The following RBSN variants were observed in gnomAD, a reference collection of about 807,000 sequenced individuals.
RBSN encodes rabenosyn, RAB effector.
A neutral mutation model predicts 60.5 loss-of-function variants in RBSN; 34 were observed. The observed-to-expected ratio is 0.56, with a 90% CI of 0.43 to 0.75. The LOEUF (loss-of-function observed/expected upper bound fraction) is 0.75, where lower values mean the gene tolerates loss of function less well. Among genes scored for constraint, RBSN ranks in the 30% least tolerant of loss-of-function variants. RBSN has a pLI of 0.00. For missense variants in RBSN, 845 were observed against 986.8 expected, an observed-to-expected ratio of 0.86 and a Z score of 1.92; for synonymous variants, 322 against 366.9, an observed-to-expected ratio of 0.88 and a Z score of 1.40.
At chr3:15,089,157 T>C (rs1165610090) in intron 5 of RBSN, among the ~76,000 whole-genome samples, 5 of 152,158 alleles carry the variant, frequency 3.3e-5, no homozygotes, top group Admixed American at 2.6e-4. Flanking sequence ...TTAATGACTG[T>C]TATCATTAGA....
chr3:15,083,994 GA>G (rs2043274491), intron 8 of RBSN, among the ~76,000 whole-genome samples: 2 of 152,310 alleles, frequency 1.3e-5, no homozygotes, highest in South Asian at 4.1e-4. Flanking sequence ...TGGAAGAATG[GA>G]CAATGCCTTA....
At position 15,085,863 on chromosome 3, in the gene RBSN, T is replaced by C. The variant is rs1559348083; in HGVS notation, c.388A>G (p.Lys130Glu). The C allele has an allele frequency of 1.9e-6, 3 of 1,613,204 alleles. No individual in the cohort carries two copies. The East Asian group carries it at 6.7e-5, about 36-fold the overall frequency. ...TGTTTTAAGACAACAAAATTTACCTTCTCTAACCTGATTATTAGTTTATTG... is the reference window on the plus strand; with the variant it reads ...TGTTTTAAGACAACAAAATTTACCTCCTCTAACCTGATTATTAGTTTATTG... Reference protein sequence around the residue: ...EVNKLIIRLEKLTAFDRTNTE... With the variant: ...EVNKLIIRLEELTAFDRTNTE... Residue 130 changes from lysine (K) to glutamate (E), a missense_variant and splice_region_variant, in exon 6 of 14, where the codon AAG becomes GAG. Coordinates refer to ENST00000253699, the MANE Select transcript of RBSN (RefSeq NM_022340.4).
rs765070298 is a variant in RBSN, at chr3:15,074,534, C to T, written c.1603G>A (p.Glu535Lys). 1 of 1,614,222 alleles carries T rather than the reference C, an allele frequency of 6.2e-7. No homozygotes were observed. Among genetic ancestry groups the T allele is most frequent in the Non-Finnish European group, 8.5e-7 (1 of 1,180,030 alleles). Residue 535 changes from glutamate (E) to lysine (K), a missense_variant, in exon 14 of 14, where the codon GAG becomes AAG. By Grantham distance (56) the Glu-to-Lys change is moderately conservative. Coordinates refer to ENST00000253699, the MANE Select transcript of RBSN (RefSeq NM_022340.4). The surrounding 1 kb of genome is among the most constrained non-coding windows in gnomAD (Gnocchi z 6.4). The part of the protein sequence containing the change: ...LRERELERER[E>K]QFRVASLHTR... ...TGCAGGGATGCCACCCGAAACTGCT[C>T]CCTTTCTCGTTCCAACTCCCGTTCA...
chr3:15,093,669 C>T (rs1213610359), intron 4 of RBSN, among the ~76,000 whole-genome samples: 1 of 152,000 alleles, frequency 6.6e-6, no homozygotes, highest in African/African-American at 2.4e-5. Flanking sequence ...GAATTACAGG[C>T]ATGAGCCACC....
Position 15,073,210 on chromosome 3 carries a change from C to G in RBSN, c.*572G>C, listed in dbSNP as rs1164344056. The stretch of plus-strand genomic sequence containing the variant: ...TCTCCCCTTCATAGCAGCACCTCCC[C>G]CTTCTATTGTACAGACAGGAAGTGC... On this transcript the variant is annotated 3_prime_UTR_variant, in exon 14 of 14. Transcript: ENST00000253699. 1.3e-5 allele frequency: 2 copies of G among 152,924 alleles called. No individual in the cohort carries two copies. The highest frequency in any genetic ancestry group is 2.9e-5 in the Non-Finnish European group (2 of 68,280). The allele number at this position is 152,924 out of a possible 1,614,324, so 9.5% of individuals were successfully genotyped here. A position where few individuals can be genotyped will look rare whatever the true frequency, so the allele number is the denominator to read the frequency against.
intron 13 of RBSN, 74 bp from the exon 14 acceptor site, chr3:15,075,004 G>T: frequency 1.3e-6 from 2 of 1,497,536 alleles, no homozygotes; most frequent in Non-Finnish European, 1.8e-6. Flanking sequence ...CCCACCCTCT[G>T]TTGTCCCTCT....
At position 15,082,514 on chromosome 3, in the gene RBSN, G is replaced by A; in HGVS notation, c.693C>T (p.Ile231=). 1 of 1,614,152 alleles carries A rather than the reference G, an allele frequency of 6.2e-7. No individual in the cohort carries two copies. The highest frequency in any genetic ancestry group is 8.5e-7 in the Non-Finnish European group (1 of 1,180,016). The change falls in exon 9 of 14, where the codon ATC becomes ATT. Residue 231 remains isoleucine, a synonymous_variant. Coordinates refer to ENST00000253699, the MANE Select transcript of RBSN (RefSeq NM_022340.4). This position sits in a 1 kb window ranked among gnomAD's most constrained non-coding sequence, Gnocchi z 4.2. ...CCGAGCTGACACTGCTCATGCTGCT[G>A]ATGCTGCCTCGGCGGGAGCCATGGA... ...NSVHGSRRGS[I]SSMSSVSSVL...
chr3:15,095,810 A>T (rs756964873), intron 4 of RBSN, 163 bp downstream of exon 4: 2 of 844,968 alleles, frequency 2.4e-6, no homozygotes, highest in Non-Finnish European at 3.7e-6. Context: ...TGAAATTAAT[A>T]AACAGGGAAA....
chr3:15,098,630 A>G (rs964623709), intron 1 of RBSN, among the ~76,000 whole-genome samples: 8 of 152,116 alleles, frequency 5.3e-5, no homozygotes, highest in South Asian at 2.1e-4. Context: ...CACACATCGC[A>G]TGACCACACA....
chr3:15,083,883 GCCTCT>G (rs1247558494), intron 8 of RBSN, among the ~76,000 whole-genome samples: 1 of 152,112 alleles, frequency 6.6e-6, no homozygotes, highest in Non-Finnish European at 1.5e-5. Flanking sequence ...GAGTTGGTCA[GCCTCT>G]CCTGAGTTCC....
intron 4 of RBSN, among the ~76,000 whole-genome samples, chr3:15,092,583 A>G (rs1559353021): frequency 1.3e-5 from 2 of 151,666 alleles, no homozygotes; most frequent in Admixed American, 1.3e-4. Context: ...TAATTTTTGT[A>G]TTTTTTTTAG....
At chr3:15,083,865 C>G (rs2043269273) in intron 8 of RBSN, among the ~76,000 whole-genome samples, 4 of 152,158 alleles carry the variant, frequency 2.6e-5, no homozygotes, top group Non-Finnish European at 4.4e-5. Flanking sequence ...CCAAGCAGAG[C>G]AGACAAAGAG....
chr3:15,085,783 A>G (rs1211875383), intron 6 of RBSN, 78 bp downstream of exon 6: 4 of 1,180,570 alleles, frequency 3.4e-6, no homozygotes, highest in African/African-American at 1.5e-5. Flanking sequence ...TATACAACAC[A>G]GGCTATAGAA....
Position 15,090,418 on chromosome 3 carries a change from C to T in RBSN, c.270G>A (p.Met90Ile). 6.2e-7 allele frequency: 1 copy of T among 1,613,822 alleles called. No individual in the cohort carries two copies. Among genetic ancestry groups the T allele is most frequent in the Middle Eastern group, 1.7e-4 (1 of 6,058 alleles). ...SFSYGGVDPYMWEPQELGAVR... is the reference protein window; with the variant it reads ...SFSYGGVDPYIWEPQELGAVR... ...TCTTACCAAGCTCCTGGGGTTCCCACATGTAAGGATCAACCCCTCCATAGC... is the reference window on the plus strand; with the variant it reads ...TCTTACCAAGCTCCTGGGGTTCCCATATGTAAGGATCAACCCCTCCATAGC... The change falls in exon 5 of 14, where the codon ATG becomes ATA. Residue 90 changes from methionine to isoleucine, a missense_variant. Physicochemically the swap from Met to Ile is conservative, Grantham distance 10 (BLOSUM62 1). Coordinates refer to ENST00000253699, the MANE Select transcript of RBSN (RefSeq NM_022340.4).
chr3:15,095,831 G>T lies in RBSN; in HGVS notation c.148+142C>A, dbSNP rs770622373. Reference sequence around the variant, plus strand: ...TAATAAACAGGGAAACTCTGAAAACGCCTGGCACATGACAAACACTAGTCA... The same window carrying T: ...TAATAAACAGGGAAACTCTGAAAACTCCTGGCACATGACAAACACTAGTCA... On this transcript the variant is annotated intron_variant, in intron 4 of 13. Transcript: ENST00000253699. 56 of 1,069,794 alleles carry T rather than the reference G, an allele frequency of 5.2e-5. 1 individual carries two copies. The Admixed American group carries it at 1.3e-3, about 25-fold the overall frequency. 66.3% of individuals were successfully genotyped at this position (1,069,794 alleles called of 1,614,324 possible).
rs199635416 is a variant in RBSN, at chr3:15,096,129, C to T, written c.-9G>A. The T allele has an allele frequency of 7.1e-6, 11 of 1,557,926 alleles. No homozygotes were observed. The highest frequency in any genetic ancestry group is 6.8e-5 in the East Asian group (3 of 44,346). On this transcript the variant is annotated 5_prime_UTR_variant, in exon 4 of 14. Transcript: ENST00000253699. ...TCGTCCAGAGAAGCCATGGCAGTGC[C>T]GCTCTCAACCCTAGGAAGGCAGGAA...
chr3:15,092,357 A>T (rs1231089659), intron 4 of RBSN, among the ~76,000 whole-genome samples: 1 of 152,042 alleles, frequency 6.6e-6, no homozygotes, highest in Non-Finnish European at 1.5e-5. Context: ...AAAATACTAA[A>T]ACAAAAGGAC....
At position 15,078,776 on chromosome 3, in the gene RBSN, ATACATATATATATAT is replaced by A. The variant is rs540627109; in HGVS notation, c.912-630_912-616del. 3.5e-3 allele frequency among the ~76,000 whole-genome samples: 195 copies of A among 56,256 alleles called. 3 individuals are homozygous for A. Among genetic ancestry groups the A allele is most frequent in the African/African-American group, 0.013 (178 of 13,952 alleles). 36.9% of individuals were successfully genotyped at this position (56,256 alleles called of 152,430 possible). A position where few individuals can be genotyped will look rare whatever the true frequency, so the allele number is the denominator to read the frequency against. On this transcript the variant is annotated intron_variant, in intron 10 of 13. Coordinates refer to ENST00000253699, the MANE Select transcript of RBSN (RefSeq NM_022340.4). The stretch of plus-strand genomic sequence containing the variant: ...CTCGGTCTCAAAAAAAAAAAAAAAA[ATACATATATATATAT>A]ATATATATATATATATATATATATA...
rs369401367 is a variant in RBSN at position 15,082,527 on chromosome 3, C to T, written c.680G>A (p.Arg227His). 25 of 1,613,968 alleles carry T rather than the reference C, an allele frequency of 1.5e-5. No individual in the cohort carries two copies. The highest frequency in any genetic ancestry group is 1.2e-4 in the African/African-American group (9 of 74,870). ...SQSPNSVHGS[R>H]RGSISSMSSV... ...GCTCATGCTGCTGATGCTGCCTCGG[C>T]GGGAGCCATGGACACTGTTGGGTGA... Residue 227 changes from arginine to histidine, a missense_variant, in exon 9 of 14, where the codon CGC becomes CAC. Physicochemically the swap from Arg to His is conservative, Grantham distance 29. Coordinates refer to ENST00000253699, the MANE Select transcript of RBSN (RefSeq NM_022340.4). The surrounding 1 kb of genome is among the most constrained non-coding windows in gnomAD (Gnocchi z 4.2).
Sources: allele counts gnomAD v4.1 joint callset (sites outside exome capture counted in the v4.1 genomes callset), GRCh38; gene constraint gnomAD v4.1.1; non-coding constraint Gnocchi (gnomAD v3.1); transcripts MANE v1.5; gene names NCBI Gene and HGNC (gene_info 2026-07-23, HGNC 2026-07-21).